The following GLG1 variants were observed in gnomAD, a reference collection of about 807,000 sequenced individuals.
GLG1 encodes the protein golgi glycoprotein 1, also known as Golgi apparatus protein 1.
In GLG1, 38 loss-of-function variants were observed where a neutral mutation model predicts 160.5. That is an observed-to-expected ratio of 0.24 (90% CI 0.18 to 0.31). The LOEUF is 0.31. Among genes scored for constraint, GLG1 ranks in the 10% least tolerant of loss-of-function variants. The pLI, the probability that GLG1 is intolerant of heterozygous loss-of-function variation, is 1.00. For missense variants in GLG1, 1,373 were observed against 1,505.2 expected (o/e 0.91, Z 1.45); for synonymous variants, 644 against 543.4 (o/e 1.19, Z -2.57).
At chr16:74,474,222 G>C (rs2015318016) in intron 13 of GLG1, 1 of 195,978 alleles carries the variant, frequency 5.1e-6, no homozygotes, top group Non-Finnish European at 1.0e-5. Context: ...AAAGTGCTGG[G>C]ATTCAAGGCG....
At chr16:74,461,847 G>C (rs1398932878) in intron 22 of GLG1, 1 of 374,800 alleles carries the variant, frequency 2.7e-6, no homozygotes, top group South Asian at 5.6e-5. Context: ...AATTTACAGA[G>C]AGCTATAATG....
intron 2 of GLG1, among the ~76,000 whole-genome samples, chr16:74,526,126 TAACA>T (rs2143578971): frequency 6.6e-6 from 1 of 152,344 alleles, no homozygotes; most frequent in Non-Finnish European, 1.5e-5. Flanking sequence ...AGTATATAAG[TAACA>T]AACAGTTTTA....
chr16:74,543,621 C>T (rs1400296663), intron 1 of GLG1, among the ~76,000 whole-genome samples: 2 of 152,122 alleles, frequency 1.3e-5, no homozygotes, highest in African/African-American at 4.8e-5. Context: ...AAAAGGTATA[C>T]ATCAATAATT....
chr16:74,581,249 C>T (rs139468376), intron 1 of GLG1, among the ~76,000 whole-genome samples: 1 of 152,220 alleles, frequency 6.6e-6, no homozygotes, highest in East Asian at 1.9e-4. Context: ...TTCAAGTGTC[C>T]ATTAACAGAT....
intron 1 of GLG1, among the ~76,000 whole-genome samples, chr16:74,546,138 G>GAAATTAGACATTA (rs1416878178): frequency 1.3e-5 from 2 of 152,090 alleles, no homozygotes; most frequent in African/African-American, 2.4e-5. Flanking sequence ...GAGAGTACTG[G>GAAATTAGACATTA]GAAATCTAAT....
chr16:74,534,642 C>G (rs935844978), intron 1 of GLG1, among the ~76,000 whole-genome samples: 5 of 151,972 alleles, frequency 3.3e-5, no homozygotes, highest in African/African-American at 9.7e-5. Flanking sequence ...TTCCCTACAG[C>G]GGGAGACTGG....
chr16:74,530,561 G>C (rs1212916295), intron 2 of GLG1, among the ~76,000 whole-genome samples: 1 of 151,842 alleles, frequency 6.6e-6, no homozygotes, highest in Non-Finnish European at 1.5e-5. Flanking sequence ...TGGCCTAAGT[G>C]TTGTAGTTTT....
chr16:74,585,564 C>G (rs934366378), intron 1 of GLG1, among the ~76,000 whole-genome samples: 1 of 151,396 alleles, frequency 6.6e-6, no homozygotes, highest in African/African-American at 2.4e-5. Flanking sequence ...AAAAATTAGC[C>G]GGGCATGGTA....
intron 1 of GLG1, among the ~76,000 whole-genome samples, chr16:74,594,746 T>C (rs547475848): frequency 2.0e-5 from 3 of 148,090 alleles, no homozygotes; most frequent in East Asian, 3.9e-4. Flanking sequence ...GCTTTTGTTT[T>C]GTTTTGTTTT....
At chr16:74,588,746 A>C (rs1023369147) in intron 1 of GLG1, among the ~76,000 whole-genome samples, 3 of 152,144 alleles carry the variant, frequency 2.0e-5, no homozygotes, top group African/African-American at 7.2e-5. Context: ...GACTTGGGCA[A>C]ATAAAAATCT....
intron 1 of GLG1, among the ~76,000 whole-genome samples, chr16:74,599,863 CA>C (rs1243815107): frequency 2.7e-5 from 3 of 110,666 alleles, no homozygotes; most frequent in Non-Finnish European, 1.9e-5. Flanking sequence ...GACTCTGTCT[CA>C]AAAAAAAAAC....
At chr16:74,505,341 G>A (rs1441102740) in intron 3 of GLG1, among the ~76,000 whole-genome samples, 1 of 152,222 alleles carries the variant, frequency 6.6e-6, no homozygotes, top group Non-Finnish European at 1.5e-5. Flanking sequence ...GTCTCACACT[G>A]GTTTCAGAGA....
rs550922530 is a variant in GLG1 at position 74,523,660 on chromosome 16, T to A, written c.471+8461A>T. On this transcript the variant is annotated intron_variant, in intron 2 of 25. Transcript: ENST00000422840. ...AGTGGTCTTACACATTTTTGTTAGA[T>A]TTATTCTTAAGTATTTGATGCTTTA... is the stretch of plus-strand genomic sequence containing the variant. Among the ~76,000 whole-genome samples, 8 of 152,226 alleles carry A rather than the reference T, an allele frequency of 5.3e-5. No individual in the cohort carries two copies. In the East Asian group the frequency reaches 1.5e-3, roughly 29 times the overall value.
intron 22 of GLG1, among the ~76,000 whole-genome samples, chr16:74,460,141 C>A (rs1206429539): frequency 6.6e-6 from 1 of 152,136 alleles, no homozygotes; most frequent in Non-Finnish European, 1.5e-5. Context: ...CCTGCCTCAG[C>A]CTCCTGAGTA....
At position 74,491,227 on chromosome 16, in the gene GLG1, T is replaced by A. The variant is rs2015972262; in HGVS notation, c.1235-12A>T. 1 of 1,582,638 alleles carries A rather than the reference T, an allele frequency of 6.3e-7. No individual in the cohort carries two copies. The highest frequency in any genetic ancestry group is 2.2e-5 in the East Asian group (1 of 44,746). ...GCTGACTTGTCGCCCTAAGTTAGGA[T>A]GTAAGTCATAACATTACGAAGGGTG... is the stretch of plus-strand genomic sequence containing the variant. On this transcript the variant is annotated splice_polypyrimidine_tract_variant and intron_variant, in intron 7 of 25. Coordinates refer to ENST00000422840, the MANE Select transcript of GLG1 (RefSeq NM_001145667.2).
In GLG1 at chr16:74,516,015, C is replaced by T. The variant is rs369852303; in HGVS notation, c.472-7090G>A. On this transcript the variant is annotated intron_variant, in intron 2 of 25. Transcript: ENST00000422840. ...AACAAGAAGAGCTAACTATCCTAAA[C>T]ATATATGCACCCAATACAGGAGCAC... is the stretch of plus-strand genomic sequence containing the variant. Among the ~76,000 whole-genome samples the T allele has an allele frequency of 6.0e-5, 9 of 150,996 alleles. 1 individual carries two copies. The highest frequency in any genetic ancestry group is 1.2e-4 in the African/African-American group (5 of 40,440).
intron 1 of GLG1, among the ~76,000 whole-genome samples, chr16:74,580,700 A>G (rs962695727): frequency 3.9e-5 from 6 of 152,242 alleles, no homozygotes; most frequent in African/African-American, 1.4e-4. Context: ...GAAGACGACC[A>G]AATCAATAGA....
At chr16:74,501,914 T>C (rs1364975784) in intron 4 of GLG1, among the ~76,000 whole-genome samples, 2 of 152,032 alleles carry the variant, frequency 1.3e-5, no homozygotes, top group Non-Finnish European at 2.9e-5. Context: ...GCCACAGAGT[T>C]TTTCAAGACC....
At chr16:74,560,641 T>TA (rs2018485917) in intron 1 of GLG1, among the ~76,000 whole-genome samples, 1 of 152,120 alleles carries the variant, frequency 6.6e-6, no homozygotes, top group Non-Finnish European at 1.5e-5. Context: ...CGCCTAGCCC[T>TA]AAAAACTCTT....
Sources: gnomAD v4.1 joint callset for allele counts (sites outside exome capture counted in the v4.1 genomes callset) on GRCh38, gnomAD v4.1.1 for gene constraint, MANE v1.5 for transcripts, NCBI Gene and HGNC (gene_info 2026-07-23, HGNC 2026-07-21) for gene names.